The following PHF2 variants were observed in gnomAD, a reference collection of about 807,000 sequenced individuals.
PHF2 encodes the protein PHD finger protein 2, also known as lysine-specific demethylase PHF2.
PHF2 carries 27 observed loss-of-function variants against 120.5 expected under a neutral mutation model. That is an observed-to-expected ratio of 0.22 (90% CI 0.17 to 0.31). The LOEUF (loss-of-function observed/expected upper bound fraction) is 0.31. Among genes scored for constraint, PHF2 ranks in the 10% least tolerant of loss-of-function variants. PHF2 has a pLI of 1.00. For synonymous variants in PHF2, 568 were observed against 592.5 expected (o/e 0.96, Z 0.60); for missense variants, 1,024 against 1,434.8 (o/e 0.71, Z 4.63).
At chr9:93,642,509 C>T (rs1367522959) in intron 3 of PHF2, among the ~76,000 whole-genome samples, 1 of 152,170 alleles carries the variant, frequency 6.6e-6, no homozygotes, top group Non-Finnish European at 1.5e-5. Context: ...TTCTAATATT[C>T]TAAAATGGAT....
chr9:93,638,924 T>C (rs1826134681), intron 3 of PHF2, among the ~76,000 whole-genome samples: 1 of 152,200 alleles, frequency 6.6e-6, no homozygotes, highest in South Asian at 2.1e-4. Flanking sequence ...TTCACCATGT[T>C]GGCCAGGATG....
At chr9:93,632,475 C>T (rs1390292185) in intron 2 of PHF2, among the ~76,000 whole-genome samples, 4 of 152,188 alleles carry the variant, frequency 2.6e-5, no homozygotes, top group African/African-American at 9.7e-5. Context: ...TTATTTCTTA[C>T]AGTTCTGGAG....
chr9:93,636,568 G>A, intron 3 of PHF2, 43 bp downstream of exon 3: 1 of 1,313,310 alleles, frequency 7.6e-7, no homozygotes, highest in Non-Finnish European at 1.1e-6. Context: ...GCAGCCAGGG[G>A]ATGCACACTC....
chr9:93,611,415 C>CAAA (rs35037748), intron 1 of PHF2, among the ~76,000 whole-genome samples: 1 of 140,778 alleles, frequency 7.1e-6, no homozygotes, highest in Non-Finnish European at 1.5e-5. Context: ...AACTCTGTCT[C>CAAA]AAAAAAAAAA....
At chr9:93,623,512 A>T (rs1398845362) in intron 1 of PHF2, among the ~76,000 whole-genome samples, 1 of 152,138 alleles carries the variant, frequency 6.6e-6, no homozygotes, top group Admixed American at 6.5e-5. Flanking sequence ...CTTTGCTTCT[A>T]TTGGGCAGAC....
At chr9:93,616,310 A>G (rs1384954213) in intron 1 of PHF2, among the ~76,000 whole-genome samples, 1 of 152,250 alleles carries the variant, frequency 6.6e-6, no homozygotes, top group Admixed American at 6.5e-5. Context: ...TCGATGTGGA[A>G]TTCTGGCCTG....
chr9:93,595,229 G>A (rs1825310552), intron 1 of PHF2, among the ~76,000 whole-genome samples: 1 of 152,046 alleles, frequency 6.6e-6, no homozygotes, highest in Non-Finnish European at 1.5e-5. Flanking sequence ...ACACATACTT[G>A]GGTACCTACT....
chr9:93,624,773 A>C (rs753272397), intron 1 of PHF2, among the ~76,000 whole-genome samples: 1 of 149,122 alleles, frequency 6.7e-6, no homozygotes, highest in Non-Finnish European at 1.5e-5. Context: ...GGTTGAGGTG[A>C]TGATGATAAT....
chr9:93,601,216 G>A (rs770954979), intron 1 of PHF2, among the ~76,000 whole-genome samples: 35 of 152,226 alleles, frequency 2.3e-4, no homozygotes, highest in Non-Finnish European at 4.1e-4. Flanking sequence ...CGTGCAGATT[G>A]GCCGGGGCCC....
intron 1 of PHF2, among the ~76,000 whole-genome samples, chr9:93,587,253 G>T (rs1481088870): frequency 6.9e-6 from 1 of 145,358 alleles, no homozygotes; most frequent in African/African-American, 2.5e-5. Context: ...GAGGGATGAT[G>T]GAAGAGCCCT....
intron 4 of PHF2, among the ~76,000 whole-genome samples, chr9:93,648,789 G>A (rs1021409434): frequency 6.6e-6 from 1 of 152,138 alleles, no homozygotes; most frequent in Non-Finnish European, 1.5e-5. Context: ...AGGCAGGCCA[G>A]GCATCCTGTG....
intron 16 of PHF2, among the ~76,000 whole-genome samples, chr9:93,666,800 T>G (rs12555927): frequency 0.062 from 9,462 of 152,164 alleles, 410 homozygotes; most frequent in Non-Finnish European, 0.091. Context: ...CGAGTGAGCC[T>G]GTAGTCCCAG....
At chr9:93,630,535 C>T (rs1825984550) in intron 2 of PHF2, among the ~76,000 whole-genome samples, 1 of 152,224 alleles carries the variant, frequency 6.6e-6, no homozygotes, top group Admixed American at 6.5e-5. Context: ...CCCACCTCTT[C>T]CTCTGCAGAG....
At chr9:93,660,134 C>CAA in intron 11 of PHF2, 58 bp from the exon 12 acceptor site, 1 of 1,464,708 alleles carries the variant, frequency 6.8e-7, no homozygotes, top group South Asian at 1.5e-5. Flanking sequence ...GTGTGTGGAC[C>CAA]GTCTTGGGCC....
chr9:93,617,110 G>A (rs1587684707), intron 1 of PHF2, among the ~76,000 whole-genome samples: 2 of 152,332 alleles, frequency 1.3e-5, no homozygotes, highest in South Asian at 2.1e-4. Context: ...TGGCATGGTC[G>A]GAGGGTGTCT....
chr9:93,660,793 A>C (rs1826552360), intron 12 of PHF2, among the ~76,000 whole-genome samples: 1 of 152,202 alleles, frequency 6.6e-6, no homozygotes, highest in South Asian at 2.1e-4. Flanking sequence ...CAGAGTGGAC[A>C]GGCTTTGCCC....
rs530892861 is a variant in PHF2 at position 93,666,434 on chromosome 9, T to C, written c.2187+374T>C. On this transcript the variant is annotated intron_variant, in intron 16 of 21. Transcript: ENST00000359246. Reference sequence around the variant, plus strand: ...ACATGTGTTACACACTGGGGCTGTCTTGTGTAAGGGTTCCTTTGAACCAGA... The same window carrying C: ...ACATGTGTTACACACTGGGGCTGTCCTGTGTAAGGGTTCCTTTGAACCAGA... Among the ~76,000 whole-genome samples, 13 of 152,334 alleles carry C rather than the reference T, an allele frequency of 8.5e-5. No individual in the cohort carries two copies. In the South Asian group the frequency reaches 2.1e-3, roughly 24 times the overall value.
At chr9:93,604,533 C>T (rs1478430978) in intron 1 of PHF2, among the ~76,000 whole-genome samples, 1 of 151,010 alleles carries the variant, frequency 6.6e-6, no homozygotes, top group Non-Finnish European at 1.5e-5. Flanking sequence ...GGCGCGATCT[C>T]GGCTCACTGC....
intron 17 of PHF2, among the ~76,000 whole-genome samples, chr9:93,668,898 T>G (rs1826731194): frequency 6.6e-6 from 1 of 152,228 alleles, no homozygotes; most frequent in Admixed American, 6.5e-5. Flanking sequence ...GGTCAGTTTT[T>G]GATGGTCTAT....
Sources: gnomAD v4.1 joint callset for allele counts (sites outside exome capture counted in the v4.1 genomes callset) on GRCh38, gnomAD v4.1.1 for gene constraint, MANE v1.5 for transcripts, NCBI Gene and HGNC (gene_info 2026-07-23, HGNC 2026-07-21) for gene names.